The following KCNH3 variants were observed in gnomAD, a reference collection of about 807,000 sequenced individuals.
The protein encoded by KCNH3 is potassium voltage-gated channel subfamily H member 3, also known as voltage-gated inwardly rectifying potassium channel KCNH3.
In KCNH3, 36 loss-of-function variants were observed where a neutral mutation model predicts 95.6. The observed-to-expected ratio is 0.38, with a 90% CI of 0.29 to 0.50. KCNH3 has a LOEUF of 0.50. Among genes scored for constraint, KCNH3 ranks in the 20% least tolerant of loss-of-function variants. The pLI is 0.95. For synonymous variants in KCNH3, 620 were observed against 646.3 expected (o/e 0.96, Z 0.62); for missense variants, 1,030 against 1,484.1 (o/e 0.69, Z 5.03).
intron 7 of KCNH3, among the ~76,000 whole-genome samples, chr12:49,544,611 AGGCCTCCTGT>A (rs2138143886): frequency 6.6e-6 from 1 of 152,278 alleles, no homozygotes; most frequent in Admixed American, 6.5e-5. Flanking sequence ...TCGCCCATCC[AGGCCTCCTGT>A]GGCCAAATGT....
chr12:49,545,553 G>A (rs1008777939), intron 7 of KCNH3, among the ~76,000 whole-genome samples: 14 of 151,876 alleles, frequency 9.2e-5, no homozygotes, highest in East Asian at 7.7e-4. Flanking sequence ...CCAGCACGCC[G>A]GCTAATTTTT....
intron 7 of KCNH3, among the ~76,000 whole-genome samples, chr12:49,547,766 G>A (rs973637620): frequency 1.3e-5 from 2 of 152,146 alleles, no homozygotes; most frequent in South Asian, 2.1e-4. Flanking sequence ...CAGGGCACAA[G>A]TGGAGAGGTG....
chr12:49,551,595 AAAAG>A (rs1211789405), intron 10 of KCNH3, among the ~76,000 whole-genome samples: 3 of 151,318 alleles, frequency 2.0e-5, no homozygotes, highest in Non-Finnish European at 4.4e-5. Context: ...AAAAAAAAAA[AAAAG>A]AAAAGCCACT....
At position 49,550,071 on chromosome 12, in the gene KCNH3, C is replaced by T; in HGVS notation, c.1669-9C>T. On this transcript the variant is annotated splice_polypyrimidine_tract_variant and intron_variant, in intron 9 of 14. Coordinates refer to ENST00000257981, the MANE Select transcript of KCNH3 (RefSeq NM_012284.3). ...CAACCCCCCCACCCCCGCACCTGCT[C>T]ACCTGCAGCTGCTGCAGAGCCTCCC... 2 of 1,161,958 alleles carry T rather than the reference C, an allele frequency of 1.7e-6. No homozygotes were observed. The highest frequency in any genetic ancestry group is 2.4e-6 in the Non-Finnish European group (2 of 827,170). The allele number at this position is 1,161,958 out of a possible 1,614,324, so 72.0% of individuals were successfully genotyped here.
In KCNH3 at chr12:49,550,145, G is replaced by A. The variant is rs1347719272; in HGVS notation, c.1734G>A (p.Leu578=). 1.2e-6 allele frequency: 2 copies of A among 1,609,378 alleles called. No individual in the cohort carries two copies. The highest frequency in any genetic ancestry group is 1.7e-6 in the Non-Finnish European group (2 of 1,179,560). ...DIAMHLHKEV[L]QLPLFEAASR... is the part of the protein sequence containing the mutation. ...CCATGCACCTGCACAAGGAGGTCCT[G>A]CAGCTGCCACTGTTTGAGGCGGCCA... is the stretch of plus-strand genomic sequence containing the variant. Residue 578 remains leucine (L), a synonymous_variant, in exon 10 of 15, where the codon CTG becomes CTA. Coordinates refer to ENST00000257981, the MANE Select transcript of KCNH3 (RefSeq NM_012284.3).
intron 7 of KCNH3, among the ~76,000 whole-genome samples, chr12:49,547,972 C>T (rs900131405): frequency 2.0e-5 from 3 of 152,182 alleles, no homozygotes; most frequent in African/African-American, 7.2e-5. Context: ...AGAGTGACTC[C>T]CAGCACACAG....
Position 49,549,368 on chromosome 12 carries a change from G to A in KCNH3, c.1469-73G>A, listed in dbSNP as rs568279581. The A allele has an allele frequency of 1.1e-3, 1,759 of 1,559,436 alleles. 12 individuals carry two copies. In the Middle Eastern group the frequency reaches 0.016, roughly 14 times the overall value. On this transcript the variant is annotated intron_variant, in intron 8 of 14. Coordinates refer to ENST00000257981, the MANE Select transcript of KCNH3 (RefSeq NM_012284.3). ...CTTGCCTAGGAGCGTGCGGGCCGAG[G>A]ACAGATGAGCCCAGCGTGGTGTCAG... is the stretch of plus-strand genomic sequence containing the variant.
chr12:49,551,784 G>C (rs1167041637), intron 10 of KCNH3, among the ~76,000 whole-genome samples: 2 of 151,300 alleles, frequency 1.3e-5, no homozygotes, highest in East Asian at 3.9e-4. Flanking sequence ...TTCACTGTGG[G>C]GACTGCTGAA....
intron 3 of KCNH3, among the ~76,000 whole-genome samples, chr12:49,541,965 A>C (rs1037305536): frequency 6.6e-6 from 1 of 152,222 alleles, no homozygotes; most frequent in Admixed American, 6.5e-5. Context: ...AGATTGAGAC[A>C]AAGTTGGAGT....
In KCNH3 at chr12:49,549,447, T is replaced by G; in HGVS notation, c.1475T>G (p.Met492Arg). The G allele has an allele frequency of 6.2e-7, 1 of 1,613,452 alleles. No homozygotes were observed. Among genetic ancestry groups the G allele is most frequent in the Non-Finnish European group, 8.5e-7 (1 of 1,179,974 alleles). ...SICTMLIGALMHAVVFGNVTA... is the reference protein window; with the variant it reads ...SICTMLIGALRHAVVFGNVTA... ...TCTCGTCACCCTCCCCCAGCCCTGATGCACGCGGTGGTGTTTGGGAACGTG... is the reference window on the plus strand; with the variant it reads ...TCTCGTCACCCTCCCCCAGCCCTGAGGCACGCGGTGGTGTTTGGGAACGTG... The change falls in exon 9 of 15, where the codon ATG becomes AGG. Residue 492 changes from methionine to arginine, a missense_variant. Physicochemically the swap from Met to Arg is moderately conservative, Grantham distance 91 (BLOSUM62 -1). This residue lies in a region of KCNH3 where 160 missense variants were observed against 316.2 expected (regional missense o/e 0.51). Transcript: ENST00000257981.
At position 49,550,097 on chromosome 12, in the gene KCNH3, T is replaced by C; in HGVS notation, c.1686T>C (p.Pro562=). Residue 562 remains proline, a synonymous_variant, in exon 10 of 15, where the codon CCT becomes CCC. Transcript: ENST00000257981. ...IDTTELLQSL[P]DELRADIAMH... Reference sequence around the variant, plus strand: ...ACCTGCAGCTGCTGCAGAGCCTCCCTGACGAGCTGCGCGCAGACATCGCCA... The same window carrying C: ...ACCTGCAGCTGCTGCAGAGCCTCCCCGACGAGCTGCGCGCAGACATCGCCA... 1.5e-6 allele frequency: 2 copies of C among 1,333,228 alleles called. No individual in the cohort carries two copies. Among genetic ancestry groups the C allele is most frequent in the Admixed American group, 2.0e-5 (1 of 50,594 alleles). 82.6% of individuals were successfully genotyped at this position (1,333,228 alleles called of 1,614,324 possible).
At chr12:49,545,992 G>C (rs2138146358) in intron 7 of KCNH3, 1 of 152,142 alleles carries the variant, frequency 6.6e-6, no homozygotes, top group Middle Eastern at 3.4e-3. Context: ...CCACAAGATG[G>C]ACAATGGTGA....
intron 9 of KCNH3, 84 bp downstream of exon 9, chr12:49,549,724 A>T: frequency 3.7e-6 from 5 of 1,348,892 alleles, no homozygotes; most frequent in Non-Finnish European, 5.1e-6. Flanking sequence ...GTGGGGGAGG[A>T]TGAATGCAGA....
Position 49,539,381 on chromosome 12 carries a change from C to G in KCNH3, c.-36C>G. The G allele has an allele frequency of 6.8e-7, 1 of 1,470,854 alleles. No homozygotes were observed. Among genetic ancestry groups the G allele is most frequent in the Non-Finnish European group, 9.0e-7 (1 of 1,112,270 alleles). 91.1% of individuals were successfully genotyped at this position (1,470,854 alleles called of 1,614,324 possible). On this transcript the variant is annotated 5_prime_UTR_variant, in exon 1 of 15. Coordinates refer to ENST00000257981, the MANE Select transcript of KCNH3 (RefSeq NM_012284.3). This position sits in a 1 kb window ranked among gnomAD's most constrained non-coding sequence, Gnocchi z 6.7. ...TCCCCCGGCGCGGAGTCCCCGCACC[C>G]CGGAGGGATGGGGCGGGCAGCCGCG...
At chr12:49,557,306 A>G (rs1436169446) in intron 14 of KCNH3, 47 bp downstream of exon 14, 1 of 1,613,222 alleles carries the variant, frequency 6.2e-7, no homozygotes, top group Non-Finnish European at 8.5e-7. Context: ...AGGGGAAGGC[A>G]CTCCATGGCT....
chr12:49,555,079 G>A (rs2138166958), intron 11 of KCNH3, among the ~76,000 whole-genome samples: 1 of 152,178 alleles, frequency 6.6e-6, no homozygotes, highest in Non-Finnish European at 1.5e-5. Flanking sequence ...GTCCGTATTT[G>A]GCTAGAATTT....
Position 49,550,115 on chromosome 12 carries a change from C to T in KCNH3, c.1704C>T (p.Asp568=). 1 of 1,596,110 alleles carries T rather than the reference C, an allele frequency of 6.3e-7. No individual in the cohort carries two copies. Among genetic ancestry groups the T allele is most frequent in the Non-Finnish European group, 8.5e-7 (1 of 1,170,944 alleles). The change falls in exon 10 of 15, where the codon GAC becomes GAT. Residue 568 remains aspartate, a synonymous_variant. Transcript: ENST00000257981. ...GCCTCCCTGACGAGCTGCGCGCAGA[C>T]ATCGCCATGCACCTGCACAAGGAGG... ...LQSLPDELRA[D]IAMHLHKEVL...
intron 9 of KCNH3, 37 bp from the exon 10 acceptor site, chr12:49,550,043 T>TACCCCCCC: frequency 1.5e-6 from 2 of 1,299,540 alleles, no homozygotes; most frequent in Non-Finnish European, 2.1e-6. Context: ...CTTCTGCCAC[T>TACCCCCCC]CCCAACCCCC....
Position 49,557,641 on chromosome 12 carries a change from A to G in KCNH3, c.2940A>G (p.Pro980=), listed in dbSNP as rs1938522148. 2.5e-6 allele frequency: 4 copies of G among 1,613,022 alleles called. No individual in the cohort carries two copies. Among genetic ancestry groups the G allele is most frequent in the East Asian group, 4.5e-5 (2 of 44,866 alleles). Residue 980 remains proline, a synonymous_variant, in exon 15 of 15, where the codon CCA becomes CCG. Coordinates refer to ENST00000257981, the MANE Select transcript of KCNH3 (RefSeq NM_012284.3). ...TGGCACCCTGGCCCTGGGGTCCCCC[A>G]GCGTCTCAGAGCTCCCCCTGGCCTC... The part of the protein sequence containing the change: ...PLMAPWPWGP[P]ASQSSPWPRA...
Sources: allele counts gnomAD v4.1 joint callset (sites outside exome capture counted in the v4.1 genomes callset), GRCh38; gene constraint gnomAD v4.1.1; regional missense constraint gnomAD v4.1.1; non-coding constraint Gnocchi (gnomAD v3.1); transcripts MANE v1.5; gene names NCBI Gene and HGNC (gene_info 2026-07-23, HGNC 2026-07-21).